The following KHDRBS2 variants were observed in gnomAD, a reference collection of about 807,000 sequenced individuals.
The protein encoded by KHDRBS2 is KH RNA binding domain containing, signal transduction associated 2, also known as KH domain-containing, RNA-binding, signal transduction-associated protein 2.
KHDRBS2 carries 26 observed loss-of-function variants against 44.3 expected under a neutral mutation model. The observed-to-expected ratio is 0.59, with a 90% CI of 0.43 to 0.81. The LOEUF is 0.81. KHDRBS2 is among the 40% of genes least tolerant of loss of function. The pLI, the probability that KHDRBS2 is intolerant of heterozygous loss-of-function variation, is 0.00. For missense variants in KHDRBS2, 476 were observed against 433.1 expected, an observed-to-expected ratio of 1.10 and a Z score of -0.88; for synonymous variants, 194 against 151.1, an observed-to-expected ratio of 1.28 and a Z score of -2.08.
chr6:62,263,421 G>C (rs1011514638), intron 1 of KHDRBS2, among the ~76,000 whole-genome samples: 10 of 151,472 alleles, frequency 6.6e-5, no homozygotes, highest in African/African-American at 2.4e-4. Context: ...AAAAATAAGA[G>C]TTGCTGCATA....
intron 4 of KHDRBS2, among the ~76,000 whole-genome samples, chr6:61,977,180 G>T (rs745604418): frequency 6.6e-6 from 1 of 151,970 alleles, no homozygotes; most frequent in South Asian, 2.1e-4. Context: ...TGCTTATTTA[G>T]AAATCTGCAG....
intron 1 of KHDRBS2, among the ~76,000 whole-genome samples, chr6:62,242,818 C>T (rs554781019): frequency 7.1e-4 from 108 of 152,210 alleles, no homozygotes; most frequent in African/African-American, 2.6e-3. Context: ...AGACATCTGC[C>T]CTTATGGCAG....
chr6:61,698,270 C>T (rs1768145850), intron 7 of KHDRBS2, among the ~76,000 whole-genome samples: 2 of 151,994 alleles, frequency 1.3e-5, no homozygotes, highest in South Asian at 2.1e-4. Context: ...CTATGGTTAC[C>T]TTCTCATTTT....
the KHDRBS2 span, among the ~76,000 whole-genome samples, chr6:61,631,714 G>A: frequency 2.0e-5 from 3 of 152,164 alleles, no homozygotes; most frequent in Non-Finnish European, 4.4e-5. Flanking sequence ...GATTGGAAAT[G>A]GAGACGTAAG....
chr6:62,091,241 A>G (rs1158117783), intron 2 of KHDRBS2, among the ~76,000 whole-genome samples: 1 of 152,104 alleles, frequency 6.6e-6, no homozygotes, highest in Non-Finnish European at 1.5e-5. Context: ...AAGGTCACTG[A>G]GTCCATACAT....
rs577134848 is a variant in KHDRBS2, at chr6:62,005,968, G to T, written c.337-27756C>A. On this transcript the variant is annotated intron_variant, in intron 3 of 8. Transcript: ENST00000281156. The stretch of plus-strand genomic sequence containing the variant: ...AGAGATACAAGGAGACGAAAAATTT[G>T]AAAGCAATATTAAGAAATGGAATAT... Among the ~76,000 whole-genome samples, 7 of 151,962 alleles carry T rather than the reference G, an allele frequency of 4.6e-5. No individual in the cohort carries two copies. The South Asian group carries it at 1.4e-3, about 31-fold the overall frequency.
chr6:61,551,994 G>A, the KHDRBS2 span, among the ~76,000 whole-genome samples: 3 of 151,926 alleles, frequency 2.0e-5, no homozygotes, highest in Non-Finnish European at 4.4e-5. Flanking sequence ...ACTAATTTTT[G>A]TACATGGATT....
intron 2 of KHDRBS2, among the ~76,000 whole-genome samples, chr6:62,066,381 C>A (rs757790237): frequency 2.6e-5 from 4 of 151,610 alleles, no homozygotes; most frequent in African/African-American, 7.3e-5. Context: ...ACAGATATTT[C>A]TTTAGCCTTT....
At chr6:62,053,987 T>C (rs556291493) in intron 2 of KHDRBS2, among the ~76,000 whole-genome samples, 181 of 152,144 alleles carry the variant, frequency 1.2e-3, no homozygotes, top group African/African-American at 4.2e-3. Context: ...TTTCTAGAAA[T>C]AAATTTAGCC....
chr6:62,018,697 C>T (rs1781713542), intron 3 of KHDRBS2, among the ~76,000 whole-genome samples: 1 of 152,118 alleles, frequency 6.6e-6, no homozygotes, highest in African/African-American at 2.4e-5. Context: ...CAACAGAAGA[C>T]TCATGGACAT....
At chr6:61,623,092 G>T in the KHDRBS2 span, among the ~76,000 whole-genome samples, 1 of 152,034 alleles carries the variant, frequency 6.6e-6, no homozygotes, top group South Asian at 2.1e-4. Flanking sequence ...GACAGTCAAT[G>T]AGGGGGCTGT....
At chr6:61,709,835 A>C (rs924767858) in intron 7 of KHDRBS2, among the ~76,000 whole-genome samples, 1 of 151,686 alleles carries the variant, frequency 6.6e-6, no homozygotes, top group Admixed American at 6.6e-5. Context: ...AATTTTAACT[A>C]TATCACGTGT....
In KHDRBS2 at chr6:61,996,207, A is replaced by G. The variant is rs1192883095; in HGVS notation, c.337-17995T>C. The stretch of plus-strand genomic sequence containing the variant: ...AAAAGGGTATCTGTGACTTGGAATG[A>G]AATCTCCAATTAGAGCATCACACAG... On this transcript the variant is annotated intron_variant, in intron 3 of 8. Coordinates refer to ENST00000281156, the MANE Select transcript of KHDRBS2 (RefSeq NM_152688.4). Among the ~76,000 whole-genome samples the G allele has an allele frequency of 2.6e-5, 4 of 152,202 alleles. No individual in the cohort carries two copies. In the East Asian group the frequency reaches 7.7e-4, roughly 29 times the overall value.
At chr6:62,004,239 G>A (rs1252383816) in intron 3 of KHDRBS2, among the ~76,000 whole-genome samples, 3 of 151,632 alleles carry the variant, frequency 2.0e-5, no homozygotes, top group Admixed American at 6.6e-5. Flanking sequence ...GAAAAGATCA[G>A]CAAAATAGAC....
At chr6:61,615,332 G>T in the KHDRBS2 span, among the ~76,000 whole-genome samples, 1 of 151,578 alleles carries the variant, frequency 6.6e-6, no homozygotes, top group Admixed American at 6.6e-5. Flanking sequence ...GTGCCTGGCT[G>T]TTTGTAAGCA....
At chr6:62,269,679 T>C (rs1169772061) in intron 1 of KHDRBS2, among the ~76,000 whole-genome samples, 1 of 152,096 alleles carries the variant, frequency 6.6e-6, no homozygotes, top group African/African-American at 2.4e-5. Context: ...TGTTTGGCAA[T>C]TCCATATATT....
intron 3 of KHDRBS2, among the ~76,000 whole-genome samples, chr6:62,024,810 A>G (rs1284105596): frequency 1.3e-5 from 2 of 151,570 alleles, no homozygotes; most frequent in Non-Finnish European, 3.0e-5. Context: ...TGCTGTCTCT[A>G]TTATAGCATT....
chr6:61,577,500 T>C, the KHDRBS2 span, among the ~76,000 whole-genome samples: 159 of 152,232 alleles, frequency 1.0e-3, no homozygotes, highest in African/African-American at 3.7e-3. Flanking sequence ...CTCAGACTTT[T>C]GATATGGAAA....
Position 62,083,784 on chromosome 6 carries a change from A to G in KHDRBS2, c.220-35790T>C, listed in dbSNP as rs566458600. 3.9e-5 allele frequency among the ~76,000 whole-genome samples: 6 copies of G among 152,298 alleles called. 1 individual carries two copies. The South Asian group carries it at 1.2e-3, about 32-fold the overall frequency. On this transcript the variant is annotated intron_variant, in intron 2 of 8. Transcript: ENST00000281156. ...CCCGTTTCAAAAAGTATCCTGAAAA[A>G]TGCAGCTTCAGTAGCAAACTATTAT...
Sources: gnomAD v4.1 joint callset for allele counts (sites outside exome capture counted in the v4.1 genomes callset) on GRCh38, gnomAD v4.1.1 for gene constraint, MANE v1.5 for transcripts, NCBI Gene and HGNC (gene_info 2026-07-23, HGNC 2026-07-21) for gene names.